The following SLC14A2 variants were observed in gnomAD, a reference collection of about 807,000 sequenced individuals.
The protein encoded by SLC14A2 is urea transporter 2.
A neutral mutation model predicts 104.6 loss-of-function variants in SLC14A2; 91 were observed. The observed-to-expected ratio is 0.87, with a 90% CI of 0.73 to 1.04. The LOEUF (loss-of-function observed/expected upper bound fraction) is 1.04, where lower values mean the gene tolerates loss of function less well. Among genes scored for constraint, SLC14A2 ranks in the 50% least tolerant of loss-of-function variants. The pLI is 0.00. For synonymous variants in SLC14A2, 476 were observed against 466.4 expected (o/e 1.02, Z -0.27); for missense variants, 1,189 against 1,156.0 (o/e 1.03, Z -0.41).
intron 1 of SLC14A2, among the ~76,000 whole-genome samples, chr18:45,320,522 T>A (rs985111124): frequency 5.9e-5 from 9 of 152,132 alleles, no homozygotes; most frequent in Non-Finnish European, 1.3e-4. Context: ...TCTTCTTGCT[T>A]TCCTGTAAAT....
chr18:45,430,216 G>A (rs2086492353), intron 1 of SLC14A2, among the ~76,000 whole-genome samples: 1 of 152,184 alleles, frequency 6.6e-6, no homozygotes, highest in Non-Finnish European at 1.5e-5. Flanking sequence ...TTGAGAGTTA[G>A]GTAGCTTTCC....
chr18:45,310,116 T>C (rs1035256799), intron 1 of SLC14A2, among the ~76,000 whole-genome samples: 3 of 152,222 alleles, frequency 2.0e-5, no homozygotes, highest in Non-Finnish European at 2.9e-5. Flanking sequence ...TTACTGTCGA[T>C]GGACATTTAG....
the SLC14A2 span, among the ~76,000 whole-genome samples, chr18:45,186,059 T>G: frequency 6.6e-6 from 1 of 152,238 alleles, no homozygotes; most frequent in African/African-American, 2.4e-5. Flanking sequence ...CATATTAGTC[T>G]CTAAATTCAA....
At chr18:45,591,159 C>T (rs557912182) in intron 2 of SLC14A2, among the ~76,000 whole-genome samples, 3 of 152,286 alleles carry the variant, frequency 2.0e-5, no homozygotes, top group South Asian at 2.1e-4. Context: ...TTTTCCTACC[C>T]TCTCCTTACT....
intron 1 of SLC14A2, among the ~76,000 whole-genome samples, chr18:45,246,157 G>C (rs867161363): frequency 6.6e-6 from 1 of 152,120 alleles, no homozygotes; most frequent in African/African-American, 2.4e-5. Context: ...CTTACAAAAA[G>C]AGGAAGAGAC....
At chr18:45,432,466 G>A (rs11082447) in intron 1 of SLC14A2, among the ~76,000 whole-genome samples, 84,696 of 151,728 alleles carry the variant, frequency 0.56, 23,863 homozygotes, top group Admixed American at 0.69. Flanking sequence ...TACACAAATT[G>A]CTGAAACCCA....
At chr18:45,192,642 T>TTTTTTG in the SLC14A2 span, among the ~76,000 whole-genome samples, 22 of 144,930 alleles carry the variant, frequency 1.5e-4, 1 homozygote, top group Admixed American at 5.5e-4. Flanking sequence ...GTGTGGTTTT[T>TTTTTTG]TTTTGTTTTG....
At chr18:45,565,062 G>A (rs1182678816) in intron 2 of SLC14A2, among the ~76,000 whole-genome samples, 3 of 2,230 alleles carry the variant, frequency 1.3e-3, no homozygotes, top group East Asian at 0.045. Flanking sequence ...GTGTGTGTTC[G>A]TGCATGCGTT....
At chr18:45,324,617 G>A (rs975588341) in intron 1 of SLC14A2, among the ~76,000 whole-genome samples, 2 of 152,140 alleles carry the variant, frequency 1.3e-5, no homozygotes, top group African/African-American at 4.8e-5. Flanking sequence ...ACAAAGACTG[G>A]CAGCACATGT....
intron 1 of SLC14A2, among the ~76,000 whole-genome samples, chr18:45,480,853 C>G (rs1431652283): frequency 6.6e-6 from 1 of 152,066 alleles, no homozygotes; most frequent in Non-Finnish European, 1.5e-5. Context: ...TAATTTAATG[C>G]TTAATTTTTA....
chr18:45,172,913 G>T, the SLC14A2 span, among the ~76,000 whole-genome samples: 1 of 152,098 alleles, frequency 6.6e-6, no homozygotes, highest in African/African-American at 2.4e-5. Context: ...ACTGCCAAGT[G>T]CTTTCTCCTA....
intron 1 of SLC14A2, among the ~76,000 whole-genome samples, chr18:45,221,246 G>A (rs538520219): frequency 6.6e-6 from 1 of 152,164 alleles, no homozygotes; most frequent in South Asian, 2.1e-4. Context: ...TGTTGTCTTT[G>A]CTCTTGTCTT....
intron 10 of SLC14A2, among the ~76,000 whole-genome samples, chr18:45,661,282 C>T (rs749470629): frequency 2.0e-5 from 3 of 152,206 alleles, no homozygotes; most frequent in Admixed American, 6.5e-5. Context: ...TCTTAACAAC[C>T]GGTAACTTTC....
At chr18:45,304,313 C>T (rs868348240) in intron 1 of SLC14A2, among the ~76,000 whole-genome samples, 26 of 152,244 alleles carry the variant, frequency 1.7e-4, no homozygotes, top group African/African-American at 5.3e-4. Context: ...GTGGGTTTCT[C>T]ATGGCATAGG....
intron 1 of SLC14A2, among the ~76,000 whole-genome samples, chr18:45,239,048 G>T (rs1040399038): frequency 6.6e-6 from 1 of 152,108 alleles, no homozygotes; most frequent in Admixed American, 6.6e-5. Context: ...ATAAGAAAAA[G>T]GTGCATATGT....
intron 2 of SLC14A2, among the ~76,000 whole-genome samples, chr18:45,530,819 AGG>A (rs2043673276): frequency 6.6e-6 from 1 of 152,088 alleles, no homozygotes; most frequent in African/African-American, 2.4e-5. Flanking sequence ...ATTTAGCATT[AGG>A]TATATCTCCT....
chr18:45,401,001 C>T (rs760215392), intron 1 of SLC14A2, among the ~76,000 whole-genome samples: 1 of 152,152 alleles, frequency 6.6e-6, no homozygotes, highest in African/African-American at 2.4e-5. Context: ...TCAGCCATTT[C>T]CCAAGGATCC....
At chr18:45,667,488 C>T (rs1311198333) in intron 13 of SLC14A2, among the ~76,000 whole-genome samples, 1 of 152,166 alleles carries the variant, frequency 6.6e-6, no homozygotes, top group African/African-American at 2.4e-5. Flanking sequence ...GCAATCTTTC[C>T]AGAGCTCAGC....
intron 1 of SLC14A2, among the ~76,000 whole-genome samples, chr18:45,470,907 T>A (rs971958272): frequency 1.3e-5 from 2 of 152,100 alleles, no homozygotes; most frequent in East Asian, 1.9e-4. Flanking sequence ...ACTTCTGAAT[T>A]TTTTTTAGTT....
Sources: gnomAD v4.1 joint callset for allele counts (sites outside exome capture counted in the v4.1 genomes callset) on GRCh38, gnomAD v4.1.1 for gene constraint, MANE v1.5 for transcripts, NCBI Gene and HGNC (gene_info 2026-07-23, HGNC 2026-07-21) for gene names.